Variants in COBL observed in about 807,000 individuals in gnomAD.
COBL encodes the protein protein cordon-bleu.
A neutral mutation model predicts 98.8 loss-of-function variants in COBL; 51 were observed. That is an observed-to-expected ratio of 0.52 (90% confidence interval 0.41 to 0.65). The LOEUF is 0.65. Ranked by LOEUF, COBL falls within the 30% of genes least tolerant of loss-of-function variation. The pLI is 0.00. For missense variants in COBL, 1,617 were observed against 1,617.5 expected (o/e 1.00, Z 0.01); for synonymous variants, 634 against 651.7 (o/e 0.97, Z 0.41).
At chr7:51,182,914 C>T (rs546675235) in intron 5 of COBL, among the ~76,000 whole-genome samples, 9 of 152,264 alleles carry the variant, frequency 5.9e-5, no homozygotes, top group Middle Eastern at 3.4e-3. Context: ...CCAGTTCGGC[C>T]GAGCTCCACT....
intron 7 of COBL, among the ~76,000 whole-genome samples, chr7:51,046,526 A>C (rs2128892531): frequency 6.6e-6 from 1 of 152,006 alleles, no homozygotes; most frequent in Admixed American, 6.5e-5. Context: ...TCCTGCCCCC[A>C]CCCCACATCT....
chr7:51,262,886 G>C (rs1043231203), intron 1 of COBL, among the ~76,000 whole-genome samples: 6 of 152,112 alleles, frequency 3.9e-5, no homozygotes, highest in Non-Finnish European at 8.8e-5. Flanking sequence ...GAGGCATTGA[G>C]ACCCAACTTG....
At chr7:51,121,609 C>G (rs1244886102) in intron 6 of COBL, among the ~76,000 whole-genome samples, 5 of 152,170 alleles carry the variant, frequency 3.3e-5, no homozygotes, top group African/African-American at 1.2e-4. Context: ...GCAGTCAAGG[C>G]TGAGTTCAGA....
At chr7:51,036,823 G>T (rs924840707) in intron 8 of COBL, among the ~76,000 whole-genome samples, 1 of 152,142 alleles carries the variant, frequency 6.6e-6, no homozygotes, top group Non-Finnish European at 1.5e-5. Context: ...GAAAAAGCCT[G>T]ACACCCACTT....
chr7:51,136,461 T>C (rs1374486925), intron 5 of COBL, 130 bp from the exon 6 acceptor site: 12 of 971,196 alleles, frequency 1.2e-5, no homozygotes, highest in Admixed American at 5.6e-5. Context: ...TACAGTCAGC[T>C]TGAATGGTCT....
chr7:51,178,327 A>C (rs1788611752), intron 5 of COBL, among the ~76,000 whole-genome samples: 1 of 152,220 alleles, frequency 6.6e-6, no homozygotes, highest in Admixed American at 6.5e-5. Context: ...GAAGTTAGAA[A>C]AAAATGAAAA....
At chr7:51,156,123 A>C in intron 5 of COBL, 2 of 976,912 alleles carry the variant, frequency 2.0e-6, no homozygotes, top group Non-Finnish European at 2.4e-6. Context: ...AAAGAAAACA[A>C]ATATCAAAGA....
chr7:51,130,217 C>A (rs1031209665), intron 6 of COBL, among the ~76,000 whole-genome samples: 2 of 152,204 alleles, frequency 1.3e-5, no homozygotes, highest in African/African-American at 4.8e-5. Context: ...AGGACTCTCT[C>A]TACTTTGCTG....
intron 1 of COBL, among the ~76,000 whole-genome samples, chr7:51,241,585 A>T (rs78124661): frequency 0.017 from 2,594 of 152,252 alleles, 61 homozygotes; most frequent in African/African-American, 0.058. Flanking sequence ...TATATTTTTT[A>T]AAAAAATAAA....
chr7:51,018,180 T>C (rs935572427), intron 12 of COBL, among the ~76,000 whole-genome samples: 11 of 151,484 alleles, frequency 7.3e-5, no homozygotes. Flanking sequence ...TAACGGTGGT[T>C]ATGGTAATCG....
chr7:51,021,563 A>T (rs929881174), intron 12 of COBL, among the ~76,000 whole-genome samples: 1 of 152,178 alleles, frequency 6.6e-6, no homozygotes, highest in Non-Finnish European at 1.5e-5. Flanking sequence ...CCTGGCCTCA[A>T]GCAATCCTCT....
chr7:51,229,664 T>C (rs1229201660), intron 1 of COBL, among the ~76,000 whole-genome samples: 1 of 152,204 alleles, frequency 6.6e-6, no homozygotes, highest in African/African-American at 2.4e-5. Flanking sequence ...TAGTACATTC[T>C]TTTCCTAAAG....
At chr7:51,274,309 C>G (rs948814532) in intron 1 of COBL, among the ~76,000 whole-genome samples, 5 of 152,224 alleles carry the variant, frequency 3.3e-5, no homozygotes, top group African/African-American at 1.2e-4. Context: ...AGCACCCTGT[C>G]CTTTGTCCTC....
chr7:51,206,491 C>CAAAAA (rs1216887855), intron 2 of COBL, among the ~76,000 whole-genome samples: 1 of 101,276 alleles, frequency 9.9e-6, no homozygotes, highest in African/African-American at 3.9e-5. Context: ...GACTCTGTCT[C>CAAAAA]AAAAAAAAAA....
intron 1 of COBL, among the ~76,000 whole-genome samples, chr7:51,231,355 G>C (rs1404349196): frequency 2.0e-5 from 3 of 152,176 alleles, no homozygotes; most frequent in African/African-American, 7.2e-5. Context: ...ATGGCCAGCA[G>C]GTCTGTCTAG....
At chr7:51,201,093 A>G (rs1791074762) in intron 2 of COBL, among the ~76,000 whole-genome samples, 1 of 152,024 alleles carries the variant, frequency 6.6e-6, no homozygotes, top group South Asian at 2.1e-4. Context: ...ACCAAAAATT[A>G]GCTGGGCGTG....
chr7:51,070,392 A>ACACACACACACACACACACACAC (rs1554368780), intron 7 of COBL, among the ~76,000 whole-genome samples: 1 of 138,930 alleles, frequency 7.2e-6, no homozygotes, highest in South Asian at 2.4e-4. Flanking sequence ...AAACAGTTAA[A>ACACACACACACACACACACACAC]ACACACACAC....
intron 12 of COBL, chr7:51,020,822 T>C (rs1347929937): frequency 6.6e-6 from 1 of 152,248 alleles, no homozygotes; most frequent in East Asian, 1.9e-4. Context: ...GAGACATCAT[T>C]GGATTCACAC....
chr7:51,295,941 C>T (rs1011097091), intron 1 of COBL, among the ~76,000 whole-genome samples: 4 of 152,212 alleles, frequency 2.6e-5, no homozygotes, highest in African/African-American at 9.7e-5. Context: ...TCTGGCCTGG[C>T]TGGGGCTTAG....
Sources: allele counts gnomAD v4.1 joint callset (sites outside exome capture counted in the v4.1 genomes callset), GRCh38; gene constraint gnomAD v4.1.1; transcripts MANE v1.5; gene names NCBI Gene and HGNC (gene_info 2026-07-23, HGNC 2026-07-21).